PDK1: variants seen among roughly 807,000 people sequenced by gnomAD.
PDK1 encodes the protein pyruvate dehydrogenase kinase 1.
A neutral mutation model predicts 54.2 loss-of-function variants in PDK1; 39 were observed. The observed-to-expected ratio is 0.72, with a 90% CI of 0.56 to 0.94. The LOEUF is 0.94. Among genes scored for constraint, PDK1 ranks in the 40% least tolerant of loss-of-function variants. PDK1 has a pLI of 0.00. For synonymous variants in PDK1, 221 were observed against 207.1 expected (o/e 1.07, Z -0.58); for missense variants, 552 against 566.0 (o/e 0.98, Z 0.25).
rs1688342092 is a variant in PDK1 at position 172,556,588 on chromosome 2, G to T, written c.196+242G>T. On this transcript the variant is annotated intron_variant, in intron 1 of 10. Transcript: ENST00000282077. ...GTATTGTTGAAAACAAACCAGCTGG[G>T]CCGCGGGACGACCTCCCGCCTCCCG... 1.4e-5 allele frequency: 5 copies of T among 363,682 alleles called. No individual in the cohort carries two copies. The Admixed American group carries it at 1.9e-4, about 14-fold the overall frequency. The allele number at this position is 363,682 out of a possible 1,614,324, so 22.5% of individuals were successfully genotyped here.
chr2:172,627,528 G>T, the PDK1 span, among the ~76,000 whole-genome samples: 1 of 152,106 alleles, frequency 6.6e-6, no homozygotes, highest in African/African-American at 2.4e-5. Flanking sequence ...GTCCTTAAAA[G>T]ATCTAGGAAA....
At chr2:172,631,879 C>G in the PDK1 span, among the ~76,000 whole-genome samples, 45 of 152,172 alleles carry the variant, frequency 3.0e-4, no homozygotes, top group South Asian at 8.3e-4. Context: ...TACGAATACT[C>G]TTCTGACACA....
At chr2:172,559,864 G>A (rs74179946) in intron 2 of PDK1, among the ~76,000 whole-genome samples, 4 of 151,714 alleles carry the variant, frequency 2.6e-5, no homozygotes, top group African/African-American at 9.7e-5. Context: ...ATTTTTTTGA[G>A]ACAGGTTCTT....
rs12693007 is a variant in PDK1, at chr2:172,603,507, C to G, written c.*7538C>G. The G allele has an allele frequency of 6.6e-6, 1 of 152,026 alleles. No homozygotes were observed. Among genetic ancestry groups the G allele is most frequent in the Non-Finnish European group, 1.5e-5 (1 of 68,004 alleles). 9.4% of individuals were successfully genotyped at this position (152,026 alleles called of 1,614,324 possible). A position where few individuals can be genotyped will look rare whatever the true frequency, so the allele number is the denominator to read the frequency against. On this transcript the variant is annotated 3_prime_UTR_variant, in exon 11 of 11. Coordinates refer to ENST00000282077, the MANE Select transcript of PDK1 (RefSeq NM_002610.5). ...ATTTCATGGGGAAGGTCATGGAAGACGACAGCAAACTTGAGTGGTTAATGA... is the reference window on the plus strand; with the variant it reads ...ATTTCATGGGGAAGGTCATGGAAGAGGACAGCAAACTTGAGTGGTTAATGA...
intron 2 of PDK1, among the ~76,000 whole-genome samples, chr2:172,561,505 C>A (rs965619352): frequency 6.6e-6 from 1 of 152,238 alleles, no homozygotes; most frequent in Admixed American, 6.5e-5. Context: ...AGATCCCTTA[C>A]ACTGTCGAAG....
chr2:172,710,357 CTT>C, the PDK1 span, among the ~76,000 whole-genome samples: 1 of 152,178 alleles, frequency 6.6e-6, no homozygotes, highest in Non-Finnish European at 1.5e-5. Flanking sequence ...TCAAAGTACT[CTT>C]AATATATTTT....
intron 8 of PDK1, 120 bp from the exon 9 acceptor site, chr2:172,586,158 C>CAAA (rs373332447): frequency 1.4e-4 from 50 of 352,260 alleles, no homozygotes; most frequent in South Asian, 2.2e-4. Context: ...GACTCTGTCT[C>CAAA]AAAAAAAAAA....
the PDK1 span, among the ~76,000 whole-genome samples, chr2:172,708,856 C>A: frequency 2.0e-5 from 3 of 152,168 alleles, no homozygotes; most frequent in Non-Finnish European, 4.4e-5. Context: ...GACTGGGACC[C>A]ATCGCATGAG....
the PDK1 span, among the ~76,000 whole-genome samples, chr2:172,662,497 T>TGTGTGTGTGTGTGTGG: frequency 6.1e-5 from 9 of 146,708 alleles, no homozygotes; most frequent in Non-Finnish European, 1.3e-4. Flanking sequence ...TAAAATCGTG[T>TGTGTGTGTGTGTGTGG]GTGTGTGTGT....
At chr2:172,621,784 T>G in the PDK1 span, among the ~76,000 whole-genome samples, 6,825 of 137,048 alleles carry the variant, frequency 0.05, 282 homozygotes, top group Non-Finnish European at 0.071. Context: ...TGTTTATATC[T>G]CATATGTATG....
the PDK1 span, among the ~76,000 whole-genome samples, chr2:172,644,511 T>C: frequency 6.6e-6 from 1 of 152,116 alleles, no homozygotes; most frequent in Non-Finnish European, 1.5e-5. Flanking sequence ...ACACACAGAG[T>C]ATAGAGTGTC....
chr2:172,701,607 A>G, the PDK1 span, among the ~76,000 whole-genome samples: 1 of 150,466 alleles, frequency 6.6e-6, no homozygotes, highest in Admixed American at 6.6e-5. Flanking sequence ...GTGAGTCCAA[A>G]AGAGCTGCTA....
chr2:172,577,708 A>G (rs1466848032), intron 8 of PDK1, among the ~76,000 whole-genome samples: 1 of 152,050 alleles, frequency 6.6e-6, no homozygotes, highest in Non-Finnish European at 1.5e-5. Flanking sequence ...CTTTTCTCCT[A>G]AATAGGCCTT....
intron 9 of PDK1, among the ~76,000 whole-genome samples, chr2:172,586,944 A>C (rs1299485391): frequency 6.6e-6 from 1 of 152,076 alleles, no homozygotes; most frequent in Non-Finnish European, 1.5e-5. Flanking sequence ...CCTTATCTTT[A>C]TGTTCTAACT....
At position 172,606,988 on chromosome 2, in the gene PDK1, T is replaced by G. The variant is rs1691320063; in HGVS notation, c.*11019T>G. 1 of 152,190 alleles carries G rather than the reference T, an allele frequency of 6.6e-6. No homozygotes were observed. The highest frequency in any genetic ancestry group is 1.5e-5 in the Non-Finnish European group (1 of 68,036). 9.4% of individuals were successfully genotyped at this position (152,190 alleles called of 1,614,324 possible). Reference sequence around the variant, plus strand: ...GGATCTTTCTCTACAGTGGTATGATTATATAAGGGTGGAAATATAAAAGAG... The same window carrying G: ...GGATCTTTCTCTACAGTGGTATGATGATATAAGGGTGGAAATATAAAAGAG... On this transcript the variant is annotated 3_prime_UTR_variant, in exon 11 of 11. Coordinates refer to ENST00000282077, the MANE Select transcript of PDK1 (RefSeq NM_002610.5).
the PDK1 span, among the ~76,000 whole-genome samples, chr2:172,713,922 A>T: frequency 2.0e-5 from 3 of 152,236 alleles, no homozygotes; most frequent in Non-Finnish European, 4.4e-5. Flanking sequence ...TCACTATTAC[A>T]CAAGTTTTTT....
Position 172,602,576 on chromosome 2 carries a change from C to T in PDK1, c.*6607C>T, listed in dbSNP as rs1691151336. ...ATGGAAAATTTGTTGAGTAATACGT[C>T]CAAGGCGTCACCATTTGCCAGGCGT... On this transcript the variant is annotated 3_prime_UTR_variant, in exon 11 of 11. Transcript: ENST00000282077. 1 of 152,118 alleles carries T rather than the reference C, an allele frequency of 6.6e-6. No homozygotes were observed. Among genetic ancestry groups the T allele is most frequent in the African/African-American group, 2.4e-5 (1 of 41,412 alleles). The allele number at this position is 152,118 out of a possible 1,614,324, so 9.4% of individuals were successfully genotyped here.
the PDK1 span, among the ~76,000 whole-genome samples, chr2:172,666,309 A>T: frequency 4.6e-5 from 7 of 152,236 alleles, no homozygotes; most frequent in African/African-American, 1.7e-4. Context: ...TCCTGTAGGT[A>T]TCTTTCTCCA....
At chr2:172,677,689 A>T in the PDK1 span, 2 of 152,358 alleles carry the variant, frequency 1.3e-5, no homozygotes, top group East Asian at 3.9e-4. Context: ...AAAGTACACA[A>T]ATAATTAAAC....
Sources: gnomAD v4.1 joint callset for allele counts (sites outside exome capture counted in the v4.1 genomes callset) on GRCh38, gnomAD v4.1.1 for gene constraint, MANE v1.5 for transcripts, NCBI Gene and HGNC (gene_info 2026-07-23, HGNC 2026-07-21) for gene names.